The following VSTM2L variants were observed in gnomAD, a reference collection of about 807,000 sequenced individuals.
VSTM2L encodes the protein V-set and transmembrane domain-containing protein 2-like protein.
In VSTM2L, 9 loss-of-function variants were observed where a neutral mutation model predicts 19.9. The ratio of observed to expected loss-of-function variants is 0.45; its 90% CI spans 0.27 to 0.79. VSTM2L has a LOEUF of 0.79. Among genes scored for constraint, VSTM2L ranks in the 30% least tolerant of loss-of-function variants. The pLI, the probability that VSTM2L is intolerant of heterozygous loss-of-function variation, is 0.15. For synonymous variants in VSTM2L, 127 were observed against 133.8 expected, an observed-to-expected ratio of 0.95 and a Z score of 0.35; for missense variants, 286 against 295.5, an observed-to-expected ratio of 0.97 and a Z score of 0.24.
chr20:37,924,615 C>T (rs1008783854), intron 1 of VSTM2L, among the ~76,000 whole-genome samples: 2 of 151,706 alleles, frequency 1.3e-5, no homozygotes, highest in African/African-American at 4.8e-5. Context: ...GAGCTAGGCA[C>T]GGTGCCTGGC....
At chr20:37,904,029 TA>T (rs2072737589) in intron 1 of VSTM2L, among the ~76,000 whole-genome samples, 1 of 152,256 alleles carries the variant, frequency 6.6e-6, no homozygotes, top group Non-Finnish European at 1.5e-5. Context: ...CATCTGCCTT[TA>T]CTCTTCTGGG....
chr20:37,903,166 G>T lies in VSTM2L; in HGVS notation c.-185G>T, dbSNP rs1419977071. 2.5e-6 allele frequency: 2 copies of T among 801,532 alleles called. No homozygotes were observed. The highest frequency in any genetic ancestry group is 3.3e-6 in the Non-Finnish European group (2 of 610,346). The allele number at this position is 801,532 out of a possible 1,614,324, so 49.7% of individuals were successfully genotyped here. The stretch of plus-strand genomic sequence containing the variant: ...CCGGCTGGGCGTGCGCTCGCTCCCC[G>T]AAGCCGGGGCTGGGCCGGAGCCGGG... On this transcript the variant is annotated 5_prime_UTR_variant, in exon 1 of 4. Transcript: ENST00000373461.
chr20:37,933,302 G>A (rs2122969545), intron 2 of VSTM2L, among the ~76,000 whole-genome samples: 1 of 152,296 alleles, frequency 6.6e-6, no homozygotes, highest in Admixed American at 6.5e-5. Flanking sequence ...CACAAATGTG[G>A]TCAGTTTTCT....
intron 1 of VSTM2L, among the ~76,000 whole-genome samples, chr20:37,904,554 C>G (rs906518646): frequency 6.6e-6 from 1 of 152,188 alleles, no homozygotes; most frequent in South Asian, 2.1e-4. Flanking sequence ...GATGGAGGCT[C>G]GAGCATAGAT....
chr20:37,924,581 TAATA>T (rs988741538), intron 1 of VSTM2L, among the ~76,000 whole-genome samples: 21 of 144,296 alleles, frequency 1.5e-4, no homozygotes, highest in South Asian at 1.3e-3. Context: ...CAAAACAAAA[TAATA>T]AATAAATAAA....
chr20:37,910,009 G>A (rs1016975434), intron 1 of VSTM2L, among the ~76,000 whole-genome samples: 1 of 152,120 alleles, frequency 6.6e-6, no homozygotes, highest in African/African-American at 2.4e-5. Context: ...AGCCATCAGG[G>A]CGTCCCTGGG....
At position 37,903,487 on chromosome 20, in the gene VSTM2L, GC is replaced by G; in HGVS notation, c.121+21del. On this transcript the variant is annotated intron_variant, in intron 1 of 3. Transcript: ENST00000373461. ...TCCGGCCACGGTGAGTTCGGTCGCC[GC>G]CCCCGCGGACTTCCCCACCAAACCC... is the stretch of plus-strand genomic sequence containing the variant. 6.8e-7 allele frequency: 1 copy of G among 1,464,740 alleles called. No individual in the cohort carries two copies. The highest frequency in any genetic ancestry group is 9.0e-7 in the Non-Finnish European group (1 of 1,113,678). 90.7% of individuals were successfully genotyped at this position (1,464,740 alleles called of 1,614,324 possible).
intron 1 of VSTM2L, among the ~76,000 whole-genome samples, chr20:37,914,159 G>A (rs1387083373): frequency 1.3e-5 from 2 of 151,748 alleles, no homozygotes; most frequent in East Asian, 3.9e-4. Flanking sequence ...GTGTGTGTAT[G>A]TGTGTGGTGT....
chr20:37,933,345 T>G (rs908447704), intron 2 of VSTM2L, among the ~76,000 whole-genome samples, 194 bp from the exon 3 acceptor site: 1 of 152,172 alleles, frequency 6.6e-6, no homozygotes, highest in African/African-American at 2.4e-5. Context: ...TGCTCTGACC[T>G]CACCTCCTCC....
At chr20:37,911,232 T>C (rs2122937338) in intron 1 of VSTM2L, among the ~76,000 whole-genome samples, 1 of 78,694 alleles carries the variant, frequency 1.3e-5, no homozygotes, top group African/African-American at 6.2e-5. Flanking sequence ...TGAGACTCCA[T>C]CTCAAAAAAA....
At chr20:37,935,035 C>T (rs1196099054) in intron 3 of VSTM2L, among the ~76,000 whole-genome samples, 1 of 152,170 alleles carries the variant, frequency 6.6e-6, no homozygotes, top group Non-Finnish European at 1.5e-5. Flanking sequence ...ATTAATACCC[C>T]GTTCATCACA....
chr20:37,911,465 G>T (rs533055868), intron 1 of VSTM2L, among the ~76,000 whole-genome samples: 54 of 152,282 alleles, frequency 3.5e-4, no homozygotes, highest in South Asian at 1.0e-3. Flanking sequence ...AGAACACAGC[G>T]GGCGGCTAAT....
intron 1 of VSTM2L, among the ~76,000 whole-genome samples, chr20:37,920,570 G>C (rs2072844540): frequency 6.6e-6 from 1 of 152,242 alleles, no homozygotes; most frequent in African/African-American, 2.4e-5. Context: ...TGGCCCCTCA[G>C]CTGGGCCAGG....
Position 37,944,502 on chromosome 20 carries a change from C to A in VSTM2L, c.*249C>A. The A allele has an allele frequency of 8.0e-7, 1 of 1,242,422 alleles. No individual in the cohort carries two copies. Among genetic ancestry groups the A allele is most frequent in the Non-Finnish European group, 1.0e-6 (1 of 993,998 alleles). The allele number at this position is 1,242,422 out of a possible 1,614,324, so 77.0% of individuals were successfully genotyped here. ...CCCTGGGCACCAAGGGGCCAACCGC[C>A]CTGAACACTGGGGCAGGGACCATGC... is the stretch of plus-strand genomic sequence containing the variant. On this transcript the variant is annotated 3_prime_UTR_variant, in exon 4 of 4. Transcript: ENST00000373461.
chr20:37,903,447 TG>T lies in VSTM2L; in HGVS notation c.100del (p.Asp34ThrfsTer17). On this transcript the variant is annotated frameshift_variant, in exon 1 of 4. Transcript: ENST00000373461. LOFTEE classifies it high-confidence loss of function. Reference sequence around the variant, plus strand: ...CACGCGGCCCGCCGGCCACGCGCCCTGGGACAACCACGTCTCCGGCCACGGT... The same window carrying T: ...CACGCGGCCCGCCGGCCACGCGCCCTGGACAACCACGTCTCCGGCCACGGT... ...GATRPAGHAP[W>X]DNHVSGHALF... 1 of 1,484,884 alleles carries T rather than the reference TG, an allele frequency of 6.7e-7. No individual in the cohort carries two copies. The highest frequency in any genetic ancestry group is 8.9e-7 in the Non-Finnish European group (1 of 1,124,030). The allele number at this position is 1,484,884 out of a possible 1,614,324, so 92.0% of individuals were successfully genotyped here. A position where few individuals can be genotyped will look rare whatever the true frequency, so the allele number is the denominator to read the frequency against.
At chr20:37,906,517 G>C (rs1303434453) in intron 1 of VSTM2L, among the ~76,000 whole-genome samples, 1 of 152,254 alleles carries the variant, frequency 6.6e-6, no homozygotes, top group Non-Finnish European at 1.5e-5. Flanking sequence ...GCCCCGTGCT[G>C]CCAAGCCCTT....
intron 1 of VSTM2L, among the ~76,000 whole-genome samples, chr20:37,922,087 C>T (rs965799360): frequency 6.6e-6 from 1 of 152,054 alleles, no homozygotes; most frequent in African/African-American, 2.4e-5. Context: ...GTATATGGTT[C>T]AGCCGCATCA....
At chr20:37,931,484 C>G (rs577935485) in intron 1 of VSTM2L, 151 bp from the exon 2 acceptor site, 1 of 827,522 alleles carries the variant, frequency 1.2e-6, no homozygotes, top group Admixed American at 2.5e-5. Context: ...TGAAGCCAGA[C>G]CACTCCCACC....
chr20:37,930,923 G>A (rs1252504216), intron 1 of VSTM2L, among the ~76,000 whole-genome samples: 2 of 152,218 alleles, frequency 1.3e-5, no homozygotes, highest in South Asian at 4.1e-4. Context: ...GGCAGGAGGT[G>A]GGGGACCTTC....
Sources: allele counts gnomAD v4.1 joint callset (sites outside exome capture counted in the v4.1 genomes callset), GRCh38; gene constraint gnomAD v4.1.1; transcripts MANE v1.5; gene names NCBI Gene and HGNC (gene_info 2026-07-23, HGNC 2026-07-21).